MB21D2: variants seen among roughly 807,000 people sequenced by gnomAD.
The protein encoded by MB21D2 is Mab-21 domain containing 2.
In MB21D2, 9 loss-of-function variants were observed where a neutral mutation model predicts 33.3. The observed-to-expected ratio is 0.27, with a 90% CI of 0.16 to 0.47. The LOEUF is 0.47. MB21D2 is among the 20% of genes least tolerant of loss of function. The probability of loss-of-function intolerance (pLI) is 0.99; values close to 1 mark genes in which losing one functional copy is unlikely to be tolerated. For synonymous variants in MB21D2, 241 were observed against 236.3 expected (o/e 1.02, Z -0.18); for missense variants, 540 against 624.6 (o/e 0.86, Z 1.44).
At chr3:192,847,900 G>A (rs563065771) in intron 1 of MB21D2, among the ~76,000 whole-genome samples, 2 of 151,860 alleles carry the variant, frequency 1.3e-5, no homozygotes, top group Admixed American at 6.6e-5. Flanking sequence ...AAATATGAAG[G>A]ACCATCAAAA....
intron 1 of MB21D2, among the ~76,000 whole-genome samples, chr3:192,853,686 C>T (rs535660698): frequency 6.6e-6 from 1 of 151,984 alleles, no homozygotes; most frequent in African/African-American, 2.4e-5. Context: ...CAAGTACAGG[C>T]GCACCTTGTT....
chr3:192,848,019 C>T (rs1383765189), intron 1 of MB21D2, among the ~76,000 whole-genome samples: 4 of 152,204 alleles, frequency 2.6e-5, no homozygotes, highest in Non-Finnish European at 4.4e-5. Flanking sequence ...GTAACATTAA[C>T]ATTGGTGGCA....
chr3:192,828,320 T>C (rs913504119), intron 1 of MB21D2, among the ~76,000 whole-genome samples: 8 of 151,564 alleles, frequency 5.3e-5, no homozygotes, highest in Non-Finnish European at 1.2e-4. Context: ...AAAAGCCACA[T>C]ACAGTGACGC....
Position 192,799,625 on chromosome 3 carries a change from C to T in MB21D2, c.237G>A (p.Lys79=). The T allele has an allele frequency of 6.2e-7, 1 of 1,613,648 alleles. No homozygotes were observed. Among genetic ancestry groups the T allele is most frequent in the Non-Finnish European group, 8.5e-7 (1 of 1,179,798 alleles). Residue 79 remains lysine (K), a synonymous_variant, in exon 2 of 2, where the codon AAG becomes AAA. Transcript: ENST00000392452. This position sits in a 1 kb window ranked among gnomAD's most constrained non-coding sequence, Gnocchi z 4.1. The part of the protein sequence containing the change: ...MLGMVQKLDQ[K]LPVANEYLLL... ...ACAGGTATTCATTAGCCACTGGAAGCTTTTGGTCCAGCTTTTGCACCATTC... is the reference window on the plus strand; with the variant it reads ...ACAGGTATTCATTAGCCACTGGAAGTTTTTGGTCCAGCTTTTGCACCATTC...
At chr3:192,842,892 G>A (rs1368004227) in intron 1 of MB21D2, among the ~76,000 whole-genome samples, 1 of 152,176 alleles carries the variant, frequency 6.6e-6, no homozygotes, top group Non-Finnish European at 1.5e-5. Context: ...CAGGAAAACT[G>A]ACAAAAGGAC....
intron 1 of MB21D2, among the ~76,000 whole-genome samples, chr3:192,841,390 T>C (rs899783425): frequency 6.6e-6 from 1 of 152,278 alleles, no homozygotes; most frequent in Non-Finnish European, 1.5e-5. Context: ...TGATGGTTTT[T>C]ACATCCAAGA....
chr3:192,869,877 G>T (rs1713252999), intron 1 of MB21D2, among the ~76,000 whole-genome samples: 1 of 152,088 alleles, frequency 6.6e-6, no homozygotes, highest in Non-Finnish European at 1.5e-5. Flanking sequence ...GCTAGGAAAG[G>T]TACTCAAACA....
At position 192,889,617 on chromosome 3, in the gene MB21D2, G is replaced by C. The variant is rs540188146; in HGVS notation, c.211+28013C>G. Among the ~76,000 whole-genome samples the C allele has an allele frequency of 3.9e-5, 6 of 152,136 alleles. No homozygotes were observed. The East Asian group carries it at 1.2e-3, about 29-fold the overall frequency. ...CTGCTGGCCCTAGAGTTTATCACAG[G>C]AAGATTTTTTTTGTTTTTAAATGTG... On this transcript the variant is annotated intron_variant, in intron 1 of 1. Coordinates refer to ENST00000392452, the MANE Select transcript of MB21D2 (RefSeq NM_178496.4).
At chr3:192,844,609 G>C (rs1712643018) in intron 1 of MB21D2, among the ~76,000 whole-genome samples, 1 of 152,230 alleles carries the variant, frequency 6.6e-6, no homozygotes, top group African/African-American at 2.4e-5. Flanking sequence ...TCTGGCAGAT[G>C]GGGCCAGCAC....
Position 192,796,954 on chromosome 3 carries a change from C to T in MB21D2, c.*1432G>A, listed in dbSNP as rs1201039212. On this transcript the variant is annotated 3_prime_UTR_variant, in exon 2 of 2. Transcript: ENST00000392452. The stretch of plus-strand genomic sequence containing the variant: ...TCGCATATGTCTGATTTCAATTGGC[C>T]AAAATCCAACCCTTGAGTTTGGACA... The T allele has an allele frequency of 2.0e-5, 3 of 152,520 alleles. No individual in the cohort carries two copies. The highest frequency in any genetic ancestry group is 1.3e-4 in the Admixed American group (2 of 15,272). 9.4% of individuals were successfully genotyped at this position (152,520 alleles called of 1,614,324 possible). A position where few individuals can be genotyped will look rare whatever the true frequency, so the allele number is the denominator to read the frequency against.
In MB21D2 at chr3:192,917,721, G is replaced by C. The variant is rs776570459; in HGVS notation, c.120C>G (p.Ile40Met). 6.2e-7 allele frequency: 1 copy of C among 1,614,022 alleles called. No homozygotes were observed. Among genetic ancestry groups the C allele is most frequent in the East Asian group, 2.2e-5 (1 of 44,878 alleles). The stretch of plus-strand genomic sequence containing the variant: ...GCTGGTCGTGCTTCGTAAATTCTTG[G>C]ATGAGTTTGTTCAATTCCTCCACCC... ...GARVEELNKL[I>M]QEFTKHDQRE... The change falls in exon 1 of 2, where the codon ATC (isoleucine) becomes ATG (methionine). Residue 40 changes from isoleucine (I) to methionine (M), a missense_variant. Ile to Met is a conservative substitution (Grantham distance 10). Coordinates refer to ENST00000392452, the MANE Select transcript of MB21D2 (RefSeq NM_178496.4).
chr3:192,847,985 C>T (rs958213319), intron 1 of MB21D2, among the ~76,000 whole-genome samples: 5 of 152,230 alleles, frequency 3.3e-5, no homozygotes, highest in African/African-American at 1.2e-4. Context: ...TGAAACCAAC[C>T]AAAATACATT....
At chr3:192,847,642 C>T (rs1366277377) in intron 1 of MB21D2, among the ~76,000 whole-genome samples, 1 of 152,176 alleles carries the variant, frequency 6.6e-6, no homozygotes, top group Non-Finnish European at 1.5e-5. Flanking sequence ...GGACAAACAA[C>T]AATTCCCAAT....
rs1711521625 is a variant in MB21D2, at chr3:192,799,899, A to G, written c.212-249T>C. 2.0e-5 allele frequency among the ~76,000 whole-genome samples: 3 copies of G among 152,184 alleles called. No homozygotes were observed. The South Asian group carries it at 6.2e-4, about 31-fold the overall frequency. On this transcript the variant is annotated intron_variant, in intron 1 of 1. Coordinates refer to ENST00000392452, the MANE Select transcript of MB21D2 (RefSeq NM_178496.4). The surrounding 1 kb of genome is among the most constrained non-coding windows in gnomAD (Gnocchi z 4.1). ...GTGAAAAGCAGTATCGTTTTCAATA[A>G]TAAAACAGGGCCCCTCTTCCCCCAG... is the stretch of plus-strand genomic sequence containing the variant.
intron 1 of MB21D2, among the ~76,000 whole-genome samples, chr3:192,899,334 G>A (rs1714044525): frequency 4.6e-5 from 7 of 152,030 alleles, no homozygotes; most frequent in Admixed American, 3.9e-4. Flanking sequence ...TTCGAGACCA[G>A]CCTGACTAAC....
rs912413505 is a variant in MB21D2, at chr3:192,811,924, G to A, written c.212-12274C>T. On this transcript the variant is annotated intron_variant, in intron 1 of 1. Transcript: ENST00000392452. ...CAAAGTTTCTCTTTCAGCCTCTGTT[G>A]AGGATTATTCTGTCTCTATTCCTCT... 5.3e-5 allele frequency among the ~76,000 whole-genome samples: 8 copies of A among 152,292 alleles called. 1 individual carries two copies. The highest frequency in any genetic ancestry group is 1.9e-4 in the African/African-American group (8 of 41,554).
rs570592962 is a variant in MB21D2, at chr3:192,846,320, T to G, written c.212-46670A>C. 1.2e-4 allele frequency among the ~76,000 whole-genome samples: 19 copies of G among 152,228 alleles called. No homozygotes were observed. In the South Asian group the frequency reaches 3.9e-3, roughly 32 times the overall value. ...ACAAGAGTAATAACATTAAAAACAG[T>G]ATTTAGAGAGTGCTTACTATAGGCC... On this transcript the variant is annotated intron_variant, in intron 1 of 1. Transcript: ENST00000392452.
chr3:192,917,624 C>T lies in MB21D2; in HGVS notation c.211+6G>A, dbSNP rs1413859553. The T allele has an allele frequency of 3.7e-6, 6 of 1,613,862 alleles. No homozygotes were observed. Among genetic ancestry groups the T allele is most frequent in the African/African-American group, 2.7e-5 (2 of 74,900 alleles). On this transcript the variant is annotated splice_donor_region_variant and intron_variant, in intron 1 of 1. Transcript: ENST00000392452. ...GCACACACACCTCCCCCTTTTTCCT[C>T]CTTACCCAGCATGGAAAAGATGAAA...
intron 1 of MB21D2, among the ~76,000 whole-genome samples, chr3:192,880,739 T>C (rs535689169): frequency 1.3e-5 from 2 of 152,166 alleles, no homozygotes; most frequent in Non-Finnish European, 2.9e-5. Flanking sequence ...TCTCTGCAGT[T>C]AGCACATCCA....
Sources: allele counts gnomAD v4.1 joint callset (sites outside exome capture counted in the v4.1 genomes callset), GRCh38; gene constraint gnomAD v4.1.1; non-coding constraint Gnocchi (gnomAD v3.1); transcripts MANE v1.5; gene names NCBI Gene and HGNC (gene_info 2026-07-23, HGNC 2026-07-21).